The following GJA5 variants were observed in gnomAD, a reference collection of about 807,000 sequenced individuals.
The protein encoded by GJA5 is gap junction protein alpha 5.
GJA5 carries 3 observed loss-of-function variants against 7.9 expected under a neutral mutation model. The observed-to-expected ratio is 0.38, with a 90% CI of 0.17 to 0.99. GJA5 has a LOEUF of 0.99. Among genes scored for constraint, GJA5 ranks in the 50% least tolerant of loss-of-function variants. The pLI is 0.38. For synonymous variants in GJA5, 193 were observed against 181.0 expected (o/e 1.07, Z -0.53); for missense variants, 390 against 457.9 (o/e 0.85, Z 1.35).
chr1:147,770,205 T>TTCTGG lies in GJA5; in HGVS notation c.-34+3042_-34+3046dup, dbSNP rs770944555. Among the ~76,000 whole-genome samples, 111 of 152,318 alleles carry TTCTGG rather than the reference T, an allele frequency of 7.3e-4. 1 individual carries two copies. The highest frequency in any genetic ancestry group is 1.1e-3 in the Non-Finnish European group (74 of 68,026). On this transcript the variant is annotated intron_variant, in intron 1 of 1. Transcript: ENST00000430508. Reference sequence around the variant, plus strand: ...TATCATTTCATGAAGAGAGGCTCTTTTCTGGTTCCAGCTGTTTCTTTGTGA... The same window carrying TTCTGG: ...TATCATTTCATGAAGAGAGGCTCTTTTCTGGTCTGGTTCCAGCTGTTTCTTTGTGA...
upstream of GJA5, among the ~76,000 whole-genome samples, chr1:147,763,545 G>A (rs1553227678): frequency 6.6e-6 from 1 of 152,156 alleles, no homozygotes; most frequent in Non-Finnish European, 1.5e-5. Flanking sequence ...GAACCTGGAA[G>A]AGAACCATCC....
At position 147,759,118 on chromosome 1, in the gene GJA5, C is replaced by A. The variant is rs1663885348; in HGVS notation, c.121G>T (p.Ala41Ser). 6.2e-7 allele frequency: 1 copy of A among 1,612,558 alleles called. No individual in the cohort carries two copies. Among genetic ancestry groups the A allele is most frequent in the Admixed American group, 1.7e-5 (1 of 59,976 alleles). Reference protein sequence around the residue: ...IFRMLVLGTAAESSWGDEQAD... With the variant: ...IFRMLVLGTASESSWGDEQAD... ...TGCTCATCCCCCCAGGAAGACTCAG[C>A]AGCTGTGCCCAGCACGAGCATACGG... Residue 41 changes from alanine (A) to serine (S), a missense_variant, in exon 2 of 2, where the codon GCT (alanine) becomes TCT (serine). Physicochemically the swap from Ala to Ser is moderately conservative, Grantham distance 99 (BLOSUM62 1). Coordinates refer to ENST00000579774, the MANE Select transcript of GJA5 (RefSeq NM_181703.4).
At chr1:147,759,945 T>C (rs1663924728) in intron 1 of GJA5, among the ~76,000 whole-genome samples, 1 of 152,132 alleles carries the variant, frequency 6.6e-6, no homozygotes, top group African/African-American at 2.4e-5. Context: ...ATTGGCAAAT[T>C]TGGCCCCTCA....
At position 147,758,239 on chromosome 1, in the gene GJA5, G is replaced by T; in HGVS notation, c.1000C>A (p.Pro334Thr). Reference sequence around the variant, plus strand: ...CGCTTGTCACTATGATAGCCATGGGGAAGGCGGTGACCTGGTGAGACTCCA... The same window carrying T: ...CGCTTGTCACTATGATAGCCATGGGTAAGGCGGTGACCTGGTGAGACTCCA... ...PNGVSPGHRL[P>T]HGYHSDKRRL... is the part of the protein sequence containing the mutation. The change falls in exon 2 of 2, where the codon CCC becomes ACC. Residue 334 changes from proline to threonine, a missense_variant. Physicochemically the swap from Pro to Thr is conservative, Grantham distance 38. Coordinates refer to ENST00000579774, the MANE Select transcript of GJA5 (RefSeq NM_181703.4). 6.2e-7 allele frequency: 1 copy of T among 1,614,172 alleles called. No homozygotes were observed. Among genetic ancestry groups the T allele is most frequent in the Non-Finnish European group, 8.5e-7 (1 of 1,180,034 alleles).
At chr1:147,772,155 A>G (rs1433522317) in intron 1 of GJA5, among the ~76,000 whole-genome samples, 2 of 152,024 alleles carry the variant, frequency 1.3e-5, no homozygotes, top group African/African-American at 4.8e-5. Context: ...TGCTCTTTGC[A>G]CTGCCCTGCC....
intron 1 of GJA5, among the ~76,000 whole-genome samples, chr1:147,768,656 C>T (rs1553228577): frequency 1.3e-5 from 2 of 152,078 alleles, no homozygotes; most frequent in Admixed American, 1.3e-4. Flanking sequence ...GACAAGGGTC[C>T]AAGGAAGTAA....
At chr1:147,763,439 T>A (rs11240122), upstream of GJA5, among the ~76,000 whole-genome samples, 30,480 of 152,184 alleles carry the variant, frequency 0.2, 3,668 homozygotes, top group East Asian at 0.28. Flanking sequence ...AATCTGGTTT[T>A]TGGGTTTTGG....
At position 147,758,682 on chromosome 1, in the gene GJA5, C is replaced by A. The variant is rs1410285408; in HGVS notation, c.557G>T (p.Arg186Leu). Residue 186 changes from arginine to leucine, a missense_variant, in exon 2 of 2, where the codon CGC becomes CTC. This residue lies in a region of GJA5 where 354 missense variants were observed against 370.9 expected (regional missense o/e 0.95). Coordinates refer to ENST00000579774, the MANE Select transcript of GJA5 (RefSeq NM_181703.4). ...GACCGGGTGGGGACAGGGACTCCTG[C>A]GGCAGACATGCAGGGTGGTCAGGAA... ...GIFLTTLHVC[R>L]RSPCPHPVNC... The A allele has an allele frequency of 6.2e-7, 1 of 1,614,038 alleles. No individual in the cohort carries two copies. Among genetic ancestry groups the A allele is most frequent in the Non-Finnish European group, 8.5e-7 (1 of 1,180,030 alleles).
chr1:147,757,898 C>G lies in GJA5; in HGVS notation c.*264G>C, dbSNP rs1426723051. Reference sequence around the variant, plus strand: ...CCATGCTTCCCTTCTTTCCCTCTACCCTGTTTCATGAGTAATCTGAAAGGC... The same window carrying G: ...CCATGCTTCCCTTCTTTCCCTCTACGCTGTTTCATGAGTAATCTGAAAGGC... On this transcript the variant is annotated 3_prime_UTR_variant, in exon 2 of 2. Coordinates refer to ENST00000579774, the MANE Select transcript of GJA5 (RefSeq NM_181703.4). The G allele has an allele frequency of 1.9e-6, 1 of 514,098 alleles. No homozygotes were observed. Among genetic ancestry groups the G allele is most frequent in the Non-Finnish European group, 3.5e-6 (1 of 284,138 alleles). 31.8% of individuals were successfully genotyped at this position (514,098 alleles called of 1,614,324 possible). A position where few individuals can be genotyped will look rare whatever the true frequency, so the allele number is the denominator to read the frequency against.
upstream of GJA5, among the ~76,000 whole-genome samples, chr1:147,760,843 C>G (rs1553227315): frequency 6.6e-6 from 1 of 152,090 alleles, no homozygotes; most frequent in Non-Finnish European, 1.5e-5. Context: ...TTTTCTACCC[C>G]CCAGTAAATG....
chr1:147,766,316 A>G (rs1484883376), intron 1 of GJA5, among the ~76,000 whole-genome samples: 1 of 152,172 alleles, frequency 6.6e-6, no homozygotes, highest in African/African-American at 2.4e-5. Flanking sequence ...AAAAACAACG[A>G]TGGATGAATT....
intron 1 of GJA5, among the ~76,000 whole-genome samples, chr1:147,767,104 A>C (rs782215659): frequency 6.6e-6 from 1 of 152,184 alleles, no homozygotes; most frequent in Non-Finnish European, 1.5e-5. Flanking sequence ...CTCTCACCCC[A>C]ATAATTTCTC....
intron 1 of GJA5, among the ~76,000 whole-genome samples, chr1:147,768,990 A>G (rs1553228627): frequency 6.6e-6 from 1 of 152,214 alleles, no homozygotes; most frequent in African/African-American, 2.4e-5. Flanking sequence ...TCTCAGAGTT[A>G]TCATCATCTA....
intron 1 of GJA5, among the ~76,000 whole-genome samples, chr1:147,768,531 T>C (rs1001450655): frequency 6.6e-6 from 1 of 152,130 alleles, no homozygotes; most frequent in Non-Finnish European, 1.5e-5. Flanking sequence ...CTAATGAAAA[T>C]TATAATACCC....
At position 147,758,858 on chromosome 1, in the gene GJA5, C is replaced by T. The variant is rs1553227013; in HGVS notation, c.381G>A (p.Val127=). The change falls in exon 2 of 2, where the codon GTG becomes GTA. Residue 127 remains valine, a synonymous_variant. Coordinates refer to ENST00000579774, the MANE Select transcript of GJA5 (RefSeq NM_181703.4). ...VRGSGSYEYP[V]AEKAELSCWE... ...AGCAGGACAGTTCTGCCTTCTCTGCCACCGGGTACTCGTAAGAGCCAGAGC... is the reference window on the plus strand; with the variant it reads ...AGCAGGACAGTTCTGCCTTCTCTGCTACCGGGTACTCGTAAGAGCCAGAGC... The T allele has an allele frequency of 4.3e-6, 7 of 1,614,098 alleles. No homozygotes were observed. In the African/African-American group the frequency reaches 9.3e-5, roughly 22 times the overall value.
upstream of GJA5, among the ~76,000 whole-genome samples, chr1:147,763,469 C>T (rs1408322090): frequency 6.6e-6 from 1 of 152,092 alleles, no homozygotes; most frequent in Non-Finnish European, 1.5e-5. Context: ...TAGGGAATTG[C>T]GTTCTAAAGC....
intron 1 of GJA5, among the ~76,000 whole-genome samples, chr1:147,770,305 T>C (rs1416111133): frequency 2.6e-5 from 4 of 152,172 alleles, no homozygotes; most frequent in Non-Finnish European, 5.9e-5. Context: ...GGCTCTTCCA[T>C]CTCTAAGTTA....
Position 147,758,205 on chromosome 1 carries a change from C to A in GJA5, c.1034G>T (p.Ser345Ile). The change falls in exon 2 of 2, where the codon AGT (serine) becomes ATT (isoleucine). Residue 345 changes from serine (S) to isoleucine (I), a missense_variant. This residue lies in a region of GJA5 where 354 missense variants were observed against 370.9 expected (regional missense o/e 0.95). Transcript: ENST00000579774. The stretch of plus-strand genomic sequence containing the variant: ...TGACCTTGCCTTGCTGCTGGCCTTA[C>A]TAAGACGTCGCTTGTCACTATGATA... Reference protein sequence around the residue: ...HGYHSDKRRLSKASSKARSDD... With the variant: ...HGYHSDKRRLIKASSKARSDD... 1 of 1,614,118 alleles carries A rather than the reference C, an allele frequency of 6.2e-7. No homozygotes were observed. The highest frequency in any genetic ancestry group is 1.3e-5 in the African/African-American group (1 of 75,016).
upstream of GJA5, among the ~76,000 whole-genome samples, chr1:147,764,358 C>T (rs12409049): frequency 0.2 from 30,327 of 152,126 alleles, 3,664 homozygotes; most frequent in East Asian, 0.28. Context: ...GATACATCCT[C>T]ACACTTGGTT....
Sources: allele counts gnomAD v4.1 joint callset (sites outside exome capture counted in the v4.1 genomes callset), GRCh38; gene constraint gnomAD v4.1.1; regional missense constraint gnomAD v4.1.1; transcripts MANE v1.5; gene names NCBI Gene and HGNC (gene_info 2026-07-23, HGNC 2026-07-21).